PRKD1: variants seen among roughly 807,000 people sequenced by gnomAD.
PRKD1 encodes the protein serine/threonine-protein kinase D1.
In PRKD1, 63 loss-of-function variants were observed where a neutral mutation model predicts 95.9. The observed-to-expected ratio is 0.66, with a 90% CI of 0.54 to 0.81. PRKD1 has a LOEUF of 0.81. Among genes scored for constraint, PRKD1 ranks in the 30% least tolerant of loss-of-function variants. PRKD1 has a pLI of 0.00. For synonymous variants in PRKD1, 425 were observed against 423.1 expected (o/e 1.00, Z -0.05); for missense variants, 1,048 against 1,165.3 (o/e 0.90, Z 1.47).
chr14:29,808,092 T>C (rs1890314824), intron 1 of PRKD1, among the ~76,000 whole-genome samples: 1 of 152,190 alleles, frequency 6.6e-6, no homozygotes, highest in Non-Finnish European at 1.5e-5. Context: ...GATTTCTCTG[T>C]AGCATGTGAT....
chr14:29,920,527 T>C (rs1039356493), intron 1 of PRKD1, among the ~76,000 whole-genome samples: 8 of 151,882 alleles, frequency 5.3e-5, no homozygotes, highest in South Asian at 4.2e-4. Flanking sequence ...CCCTGCAATA[T>C]TGATCATTAT....
At chr14:29,590,543 TG>T (rs1893091044) in intron 16 of PRKD1, among the ~76,000 whole-genome samples, 1 of 152,214 alleles carries the variant, frequency 6.6e-6, no homozygotes, top group Non-Finnish European at 1.5e-5. Flanking sequence ...TCCTTATTCC[TG>T]GTGTTGTAGA....
At chr14:29,831,465 T>TTTGG (rs1891409842) in intron 1 of PRKD1, among the ~76,000 whole-genome samples, 1 of 151,604 alleles carries the variant, frequency 6.6e-6, no homozygotes, top group South Asian at 2.1e-4. Context: ...TTTTTTTTTT[T>TTTGG]TTGGTTGGTT....
intron 1 of PRKD1, among the ~76,000 whole-genome samples, chr14:29,771,032 T>A (rs1888484943): frequency 6.6e-6 from 1 of 151,668 alleles, no homozygotes; most frequent in African/African-American, 2.4e-5. Context: ...ACAGCTCCTC[T>A]CTAAATAGTA....
intron 1 of PRKD1, among the ~76,000 whole-genome samples, chr14:29,882,264 C>T (rs1287054120): frequency 6.6e-6 from 1 of 152,052 alleles, no homozygotes; most frequent in African/African-American, 2.4e-5. Context: ...TGTTTTCCAC[C>T]AAAAATAAAT....
At chr14:29,746,867 A>G (rs1887248106) in intron 1 of PRKD1, among the ~76,000 whole-genome samples, 1 of 152,194 alleles carries the variant, frequency 6.6e-6, no homozygotes, top group African/African-American at 2.4e-5. Context: ...ACTGGAATGC[A>G]AATAAATATT....
chr14:29,879,093 G>C (rs979696121), intron 1 of PRKD1, among the ~76,000 whole-genome samples: 1 of 152,116 alleles, frequency 6.6e-6, no homozygotes, highest in African/African-American at 2.4e-5. Context: ...CCTTCAGCCT[G>C]CCTGGCCTCC....
intron 1 of PRKD1, among the ~76,000 whole-genome samples, chr14:29,920,982 C>T (rs150009830): frequency 1.1e-4 from 17 of 152,274 alleles, no homozygotes; most frequent in African/African-American, 4.1e-4. Flanking sequence ...ATGTATCAAG[C>T]GATGATCTGC....
intron 10 of PRKD1, among the ~76,000 whole-genome samples, chr14:29,629,908 A>T (rs1488170571): frequency 6.6e-6 from 1 of 151,990 alleles, no homozygotes; most frequent in African/African-American, 2.4e-5. Context: ...CTTGCATTCC[A>T]TGTCAAGCTG....
intron 1 of PRKD1, among the ~76,000 whole-genome samples, chr14:29,730,901 T>A (rs981422067): frequency 2.0e-5 from 3 of 152,024 alleles, no homozygotes; most frequent in Admixed American, 2.0e-4. Flanking sequence ...AAAATTTAAG[T>A]TAGGAGGAAT....
chr14:29,691,449 T>C (rs1319705812), intron 2 of PRKD1, among the ~76,000 whole-genome samples: 3 of 152,232 alleles, frequency 2.0e-5, no homozygotes, highest in Admixed American at 6.5e-5. Context: ...AAACCACTGA[T>C]GTGTAATTTT....
chr14:29,585,412 C>T (rs886128469), intron 16 of PRKD1, among the ~76,000 whole-genome samples: 4 of 152,292 alleles, frequency 2.6e-5, no homozygotes, highest in African/African-American at 9.6e-5. Flanking sequence ...GAAAGTTATT[C>T]TATCAATGGT....
intron 16 of PRKD1, among the ~76,000 whole-genome samples, chr14:29,589,184 A>T (rs1398815045): frequency 6.6e-6 from 1 of 152,186 alleles, no homozygotes; most frequent in Non-Finnish European, 1.5e-5. Flanking sequence ...AATTGAACAC[A>T]TCAGTTCAAT....
chr14:29,647,460 G>C (rs1341951066), intron 4 of PRKD1, among the ~76,000 whole-genome samples: 1 of 152,314 alleles, frequency 6.6e-6, no homozygotes, highest in South Asian at 2.1e-4. Flanking sequence ...GACTTTAAGT[G>C]TCAGAAAGTG....
rs185148201 is a variant in PRKD1, at chr14:29,673,562, C to G, written c.404-7354G>C. 5.9e-5 allele frequency among the ~76,000 whole-genome samples: 9 copies of G among 152,324 alleles called. No individual in the cohort carries two copies. The South Asian group carries it at 6.2e-4, about 11-fold the overall frequency. On this transcript the variant is annotated intron_variant, in intron 2 of 17. Coordinates refer to ENST00000331968, the MANE Select transcript of PRKD1 (RefSeq NM_002742.3). ...TAAAATGTATCACTGAATATTGCCACCCCTTAATTGTTTATCTGTTCACAC... is the reference window on the plus strand; with the variant it reads ...TAAAATGTATCACTGAATATTGCCAGCCCTTAATTGTTTATCTGTTCACAC...
chr14:29,902,869 C>T (rs1369842152), intron 1 of PRKD1, among the ~76,000 whole-genome samples: 1 of 151,990 alleles, frequency 6.6e-6, no homozygotes, highest in African/African-American at 2.4e-5. Flanking sequence ...TATCTCACTT[C>T]AAGCTAGACA....
At chr14:29,764,554 A>C (rs1888173303) in intron 1 of PRKD1, among the ~76,000 whole-genome samples, 1 of 152,172 alleles carries the variant, frequency 6.6e-6, no homozygotes, top group Admixed American at 6.5e-5. Flanking sequence ...ATGTCTGGTA[A>C]GGGCTGCTCT....
chr14:29,723,664 AGTGTGCGTGTGT>A (rs1566562007), intron 2 of PRKD1, among the ~76,000 whole-genome samples: 1 of 98,314 alleles, frequency 1.0e-5, no homozygotes, highest in African/African-American at 3.8e-5. Flanking sequence ...AACATAATTG[AGTGTGCGTGTGT>A]GTGTGTGTGT....
chr14:29,707,226 G>A (rs12589922), intron 2 of PRKD1, among the ~76,000 whole-genome samples: 1 of 152,008 alleles, frequency 6.6e-6, no homozygotes, highest in East Asian at 1.9e-4. Flanking sequence ...CCAGGCTTTA[G>A]AAGTTACTAG....
Sources: gnomAD v4.1 joint callset for allele counts (sites outside exome capture counted in the v4.1 genomes callset) on GRCh38, gnomAD v4.1.1 for gene constraint, MANE v1.5 for transcripts, NCBI Gene and HGNC (gene_info 2026-07-23, HGNC 2026-07-21) for gene names.